The following GPC3 variants were observed in gnomAD, a reference collection of about 807,000 sequenced individuals.
The protein encoded by GPC3 is glypican-3.
GPC3 carries 3 observed loss-of-function variants against 34.4 expected under a neutral mutation model. The ratio of observed to expected loss-of-function variants is 0.09; its 90% CI spans 0.04 to 0.23. The LOEUF (loss-of-function observed/expected upper bound fraction) is 0.23, where lower values mean the gene tolerates loss of function less well. GPC3 is among the 10% of genes least tolerant of loss of function. The probability of loss-of-function intolerance (pLI) is 1.00; values close to 1 mark genes in which losing one functional copy is unlikely to be tolerated. For synonymous variants in GPC3, 177 were observed against 174.0 expected, an observed-to-expected ratio of 1.02 and a Z score of -0.13; for missense variants, 351 against 445.6, an observed-to-expected ratio of 0.79 and a Z score of 1.91.
intron 7 of GPC3, among the ~76,000 whole-genome samples, chrX:133,549,080 A>G (rs1159461214): frequency 9.0e-6 from 1 of 111,711 alleles, no homozygotes; most frequent in African/African-American, 3.3e-5. Flanking sequence ...ACTCGGAAGC[A>G]CACACTGTCA....
chrX:133,654,771 AT>A (rs762556144), intron 6 of GPC3, among the ~76,000 whole-genome samples: 3 of 111,842 alleles, frequency 2.7e-5, no homozygotes, highest in East Asian at 5.6e-4. Context: ...GTAAATGTAA[AT>A]ACAATAGGAG....
At chrX:133,664,183 C>T (rs980030829) in intron 5 of GPC3, among the ~76,000 whole-genome samples, 1 of 112,124 alleles carries the variant, frequency 8.9e-6, no homozygotes, top group Non-Finnish European at 1.9e-5. Context: ...AGTGAAGATG[C>T]CTAAACTGAT....
chrX:133,607,482 G>A (rs934715845), intron 6 of GPC3, among the ~76,000 whole-genome samples: 26 of 111,112 alleles, frequency 2.3e-4, no homozygotes, highest in African/African-American at 8.2e-4. Flanking sequence ...TGCCCAGGCT[G>A]GTCTGGGACT....
At chrX:133,653,734 G>T (rs933180865) in intron 6 of GPC3, among the ~76,000 whole-genome samples, 4 of 112,223 alleles carry the variant, frequency 3.6e-5, no homozygotes, top group Admixed American at 1.9e-4. Context: ...TAAATAATTA[G>T]CAAGTTCATG....
At chrX:133,859,597 T>C (rs1021058520) in intron 2 of GPC3, among the ~76,000 whole-genome samples, 4 of 111,666 alleles carry the variant, frequency 3.6e-5, no homozygotes, top group Non-Finnish European at 5.6e-5. Context: ...AGGACGAGTC[T>C]GGGCAGGTTT....
intron 2 of GPC3, among the ~76,000 whole-genome samples, chrX:133,837,844 AG>A (rs1361957556): frequency 8.9e-6 from 1 of 112,588 alleles, no homozygotes; most frequent in Non-Finnish European, 1.9e-5. Flanking sequence ...TTCATTGTTG[AG>A]GGTTTGTGGT....
intron 5 of GPC3, among the ~76,000 whole-genome samples, chrX:133,691,438 G>A (rs1186198227): frequency 9.1e-6 from 1 of 109,353 alleles, no homozygotes; most frequent in Admixed American, 9.7e-5. Flanking sequence ...GGCGGAGGTT[G>A]CAGTGAGCCA....
intron 3 of GPC3, among the ~76,000 whole-genome samples, chrX:133,752,495 A>G (rs1054926469): frequency 8.9e-6 from 1 of 111,850 alleles, no homozygotes; most frequent in Admixed American, 9.5e-5. Flanking sequence ...TGGAAGCTCA[A>G]CAATGGTAGT....
At chrX:133,631,803 T>G (rs1264652826) in intron 6 of GPC3, among the ~76,000 whole-genome samples, 1 of 111,172 alleles carries the variant, frequency 9.0e-6, no homozygotes, top group African/African-American at 3.3e-5. Flanking sequence ...TTTTTTTTTA[T>G]AGTAGCCATT....
chrX:133,589,032 T>C (rs1028806619), intron 7 of GPC3, among the ~76,000 whole-genome samples: 3 of 111,424 alleles, frequency 2.7e-5, no homozygotes, highest in African/African-American at 9.8e-5. Context: ...AACAGAAGAA[T>C]GGCAAAAGGG....
At chrX:133,679,209 C>T (rs188159455) in intron 5 of GPC3, among the ~76,000 whole-genome samples, 3 of 111,380 alleles carry the variant, frequency 2.7e-5, no homozygotes, top group Admixed American at 1.9e-4. Flanking sequence ...ACTCAGGAAG[C>T]TACTAAAGGA....
chrX:133,730,546 C>A (rs1751874575), intron 3 of GPC3, among the ~76,000 whole-genome samples: 1 of 111,737 alleles, frequency 8.9e-6, no homozygotes, highest in Non-Finnish European at 1.9e-5. Flanking sequence ...TGTAAAAACA[C>A]AGATCCGAAA....
chrX:133,745,476 G>C (rs1403545670), intron 3 of GPC3, among the ~76,000 whole-genome samples: 1 of 112,824 alleles, frequency 8.9e-6, no homozygotes, highest in Non-Finnish European at 1.9e-5. Context: ...TGACAGCTTA[G>C]AGACTGAAAG....
intron 1 of GPC3, among the ~76,000 whole-genome samples, chrX:133,974,157 C>T (rs1314463064): frequency 1.8e-5 from 2 of 111,864 alleles, no homozygotes; most frequent in Non-Finnish European, 3.8e-5. Context: ...TCAGGCAATC[C>T]TCCAACCTCA....
chrX:133,700,077 T>C, intron 3 of GPC3, 49 bp from the exon 4 acceptor site: 1 of 1,010,668 alleles, frequency 9.9e-7, no homozygotes, highest in African/African-American at 1.9e-5. Context: ...GCAGATATGA[T>C]AGTAGAAACA....
At chrX:133,632,788 A>G (rs1380137286) in intron 6 of GPC3, among the ~76,000 whole-genome samples, 2 of 111,356 alleles carry the variant, frequency 1.8e-5, no homozygotes, top group Admixed American at 9.7e-5. Context: ...TGTGCTTTAC[A>G]TTTCTCTTAT....
At chrX:133,939,659 T>C (rs1273922622) in intron 2 of GPC3, among the ~76,000 whole-genome samples, 1 of 112,200 alleles carries the variant, frequency 8.9e-6, no homozygotes, top group Non-Finnish European at 1.9e-5. Flanking sequence ...TTAACTGCTT[T>C]CCTTTCATCC....
At chrX:133,863,169 G>T (rs2124568873) in intron 2 of GPC3, among the ~76,000 whole-genome samples, 1 of 112,406 alleles carries the variant, frequency 8.9e-6, no homozygotes, top group East Asian at 2.8e-4. Flanking sequence ...AATTATTTTT[G>T]ATAAGCCCCT....
At chrX:133,716,345 T>C (rs1459890679) in intron 3 of GPC3, among the ~76,000 whole-genome samples, 1 of 112,099 alleles carries the variant, frequency 8.9e-6, no homozygotes, top group African/African-American at 3.2e-5. Flanking sequence ...AGCCCAGATA[T>C]GGGCTTTATT....
Sources: gnomAD v4.1 joint callset for allele counts (sites outside exome capture counted in the v4.1 genomes callset) on GRCh38, gnomAD v4.1.1 for gene constraint, MANE v1.5 for transcripts, NCBI Gene and HGNC (gene_info 2026-07-23, HGNC 2026-07-21) for gene names.